Variants in EIF3J observed in about 807,000 individuals in gnomAD.
The protein encoded by EIF3J is eukaryotic translation initiation factor 3, subunit 1 (alpha, 35kD).
EIF3J carries 15 observed loss-of-function variants against 39.0 expected under a neutral mutation model. The observed-to-expected ratio is 0.38, with a 90% CI of 0.26 to 0.59. EIF3J has a LOEUF of 0.59. EIF3J is among the 20% of genes least tolerant of loss of function. The pLI, the probability that EIF3J is intolerant of heterozygous loss-of-function variation, is 0.60. For synonymous variants in EIF3J, 98 were observed against 112.9 expected (o/e 0.87, Z 0.84); for missense variants, 226 against 308.6 (o/e 0.73, Z 2.00).
At chr15:44,550,044 A>C (rs559643199) in intron 2 of EIF3J, among the ~76,000 whole-genome samples, 1 of 152,250 alleles carries the variant, frequency 6.6e-6, no homozygotes, top group South Asian at 2.1e-4. Context: ...CATTTCCATC[A>C]AGAAAGCAAG....
chr15:44,540,802 C>T (rs2082008996), intron 2 of EIF3J, among the ~76,000 whole-genome samples: 1 of 152,194 alleles, frequency 6.6e-6, no homozygotes, highest in South Asian at 2.1e-4. Context: ...GCAGACAAGG[C>T]TTAGTTTCCG....
intron 2 of EIF3J, among the ~76,000 whole-genome samples, chr15:44,539,935 AT>A (rs1037409733): frequency 9.5e-5 from 11 of 115,446 alleles, no homozygotes; most frequent in Admixed American, 1.7e-4. Flanking sequence ...TAATTTACAT[AT>A]TTTTTTCTTT....
intron 6 of EIF3J, among the ~76,000 whole-genome samples, chr15:44,559,584 G>C (rs1000819835): frequency 4.0e-5 from 6 of 151,794 alleles, no homozygotes; most frequent in African/African-American, 1.5e-4. Flanking sequence ...GCGGGCGCCT[G>C]TAGTCCCAGC....
chr15:44,560,664 A>G (rs1245252511), intron 7 of EIF3J: 4 of 335,262 alleles, frequency 1.2e-5, no homozygotes, highest in South Asian at 6.4e-5. Context: ...TTATAAGAGT[A>G]AAGTAAGAGA....
rs1261143115 is a variant in EIF3J at position 44,562,385 on chromosome 15, G to A, written c.*1236G>A. The A allele has an allele frequency of 6.6e-6, 1 of 152,052 alleles. No individual in the cohort carries two copies. Among genetic ancestry groups the A allele is most frequent in the Non-Finnish European group, 1.5e-5 (1 of 67,998 alleles). 9.4% of individuals were successfully genotyped at this position (152,052 alleles called of 1,614,324 possible). ...ACTGAGCCTGTAACTCAGGTTTATG[G>A]CTGTTAAGTATAGATTGGGGAATCT... On this transcript the variant is annotated 3_prime_UTR_variant, in exon 8 of 8. Transcript: ENST00000261868.
intron 2 of EIF3J, among the ~76,000 whole-genome samples, chr15:44,546,228 C>T (rs1362661311): frequency 6.6e-6 from 1 of 152,192 alleles, no homozygotes; most frequent in Non-Finnish European, 1.5e-5. Context: ...TCTAGTATCA[C>T]AGTTACTCAA....
intron 2 of EIF3J, among the ~76,000 whole-genome samples, chr15:44,547,440 C>CTTT (rs986408245): frequency 3.0e-3 from 277 of 92,510 alleles, no homozygotes; most frequent in Middle Eastern, 0.011. Flanking sequence ...GGCCTTGATT[C>CTTT]TTTTTTTTTT....
At chr15:44,549,254 A>G (rs1002362145) in intron 2 of EIF3J, among the ~76,000 whole-genome samples, 3 of 151,988 alleles carry the variant, frequency 2.0e-5, no homozygotes, top group African/African-American at 7.2e-5. Flanking sequence ...TTAGCCAGGC[A>G]TGGTGGTGCA....
At chr15:44,546,029 C>A (rs2082050047) in intron 2 of EIF3J, among the ~76,000 whole-genome samples, 1 of 152,210 alleles carries the variant, frequency 6.6e-6, no homozygotes, top group Non-Finnish European at 1.5e-5. Context: ...AGCAAATGGT[C>A]CTCCTATCTG....
At chr15:44,540,235 CTATA>C (rs1158019805) in intron 2 of EIF3J, among the ~76,000 whole-genome samples, 2,129 of 76,132 alleles carry the variant, frequency 0.028, 43 homozygotes, top group Non-Finnish European at 0.037. Context: ...CCGCGCCTGG[CTATA>C]TATATATATA....
At chr15:44,543,168 C>G (rs1216311850) in intron 2 of EIF3J, among the ~76,000 whole-genome samples, 1 of 152,192 alleles carries the variant, frequency 6.6e-6, no homozygotes, top group Non-Finnish European at 1.5e-5. Context: ...AACAAAAACT[C>G]TAACTTCCTG....
chr15:44,551,835 GTTTTTTT>G (rs576307927), intron 4 of EIF3J, among the ~76,000 whole-genome samples: 1,903 of 143,052 alleles, frequency 0.013, 48 homozygotes, highest in African/African-American at 0.046. Flanking sequence ...GTTGTTTTTT[GTTTTTTT>G]TTTTTGGAGA....
intron 2 of EIF3J, among the ~76,000 whole-genome samples, chr15:44,539,762 A>C (rs1232396941): frequency 5.7e-5 from 8 of 139,510 alleles, no homozygotes; most frequent in Non-Finnish European, 3.1e-5. Flanking sequence ...ACTTAAAGCA[A>C]TCTATCTATT....
At chr15:44,542,801 A>G (rs1333032118) in intron 2 of EIF3J, among the ~76,000 whole-genome samples, 1 of 152,220 alleles carries the variant, frequency 6.6e-6, no homozygotes, top group East Asian at 1.9e-4. Flanking sequence ...CTAAGAAGCT[A>G]GCCATTTTAG....
chr15:44,544,703 T>A (rs1238089801), intron 2 of EIF3J, among the ~76,000 whole-genome samples: 986 of 85,456 alleles, frequency 0.012, 14 homozygotes, highest in Non-Finnish European at 0.015. Flanking sequence ...AAACTCCATT[T>A]AAAAAAAAAA....
chr15:44,537,314 T>C lies in EIF3J; in HGVS notation c.44-10T>C. The stretch of plus-strand genomic sequence containing the variant: ...TGGCAGGCACTAACACGGCTCGCTT[T>C]CTTCCGTAGACGCCGACGCTTTCTC... On this transcript the variant is annotated splice_polypyrimidine_tract_variant and intron_variant, in intron 1 of 7. Coordinates refer to ENST00000261868, the MANE Select transcript of EIF3J (RefSeq NM_003758.4). 1 of 1,561,636 alleles carries C rather than the reference T, an allele frequency of 6.4e-7. No individual in the cohort carries two copies. Among genetic ancestry groups the C allele is most frequent in the Non-Finnish European group, 8.7e-7 (1 of 1,153,450 alleles).
At chr15:44,553,353 G>A (rs748039088) in intron 4 of EIF3J, among the ~76,000 whole-genome samples, 4 of 152,052 alleles carry the variant, frequency 2.6e-5, no homozygotes, top group East Asian at 1.9e-4. Context: ...TTAGACGGGC[G>A]TGGTGGCGGG....
intron 4 of EIF3J, among the ~76,000 whole-genome samples, chr15:44,553,691 A>G (rs540951874): frequency 1.3e-5 from 2 of 152,276 alleles, no homozygotes; most frequent in East Asian, 1.9e-4. Context: ...ATTCTGTTGG[A>G]CATTTAGGTT....
In EIF3J at chr15:44,544,743, C is replaced by T. The variant is rs189936214; in HGVS notation, c.148-6133C>T. 7.3e-3 allele frequency among the ~76,000 whole-genome samples: 1,039 copies of T among 142,508 alleles called. 7 individuals carry two copies. Among genetic ancestry groups the T allele is most frequent in the Non-Finnish European group, 0.01 (690 of 66,424 alleles). 93.5% of individuals were successfully genotyped at this position (142,508 alleles called of 152,430 possible). On this transcript the variant is annotated intron_variant, in intron 2 of 7. Transcript: ENST00000261868. ...AAAAAAAGGTGGGAGGGGCCAGGCA[C>T]GCCTGTAATCCCAGCACTTTGGGAG...
Sources: gnomAD v4.1 joint callset for allele counts (sites outside exome capture counted in the v4.1 genomes callset) on GRCh38, gnomAD v4.1.1 for gene constraint, MANE v1.5 for transcripts, NCBI Gene and HGNC (gene_info 2026-07-23, HGNC 2026-07-21) for gene names.